Variants in LAMB4 observed in about 807,000 individuals in gnomAD.
The protein encoded by LAMB4 is laminin subunit beta 4, also known as laminin subunit beta-4.
In LAMB4, 196 loss-of-function variants were observed where a neutral mutation model predicts 199.2. The ratio of observed to expected loss-of-function variants is 0.98; its 90% CI spans 0.88 to 1.11. The LOEUF (loss-of-function observed/expected upper bound fraction) is 1.11, where lower values mean the gene tolerates loss of function less well. LAMB4 is among the 50% of genes least tolerant of loss of function. The probability of loss-of-function intolerance (pLI) is 0.00; values close to 1 mark genes in which losing one functional copy is unlikely to be tolerated. For synonymous variants in LAMB4, 744 were observed against 770.6 expected, an observed-to-expected ratio of 0.97 and a Z score of 0.57; for missense variants, 2,080 against 2,171.2, an observed-to-expected ratio of 0.96 and a Z score of 0.83.
chr7:108,027,255 T>C (rs370244191), intron 33 of LAMB4, among the ~76,000 whole-genome samples: 105 of 151,878 alleles, frequency 6.9e-4, no homozygotes, highest in Middle Eastern at 3.4e-3. Context: ...AAAAAAAAAA[T>C]CTGTTTCTCT....
chr7:108,039,747 G>C (rs1296963077), intron 29 of LAMB4, among the ~76,000 whole-genome samples: 1 of 152,180 alleles, frequency 6.6e-6, no homozygotes, highest in Admixed American at 6.5e-5. Flanking sequence ...GGGATTACAG[G>C]CGTGAGCCTC....
chr7:108,086,109 C>G (rs1451686121), intron 14 of LAMB4, among the ~76,000 whole-genome samples: 2 of 152,166 alleles, frequency 1.3e-5, no homozygotes, highest in Non-Finnish European at 2.9e-5. Flanking sequence ...TGAGAGCCAC[C>G]TCACCTGGAA....
intron 1 of LAMB4, among the ~76,000 whole-genome samples, chr7:108,128,745 A>C (rs752601053): frequency 6.6e-6 from 1 of 152,216 alleles, no homozygotes; most frequent in Admixed American, 6.5e-5. Context: ...TCGTCAAACT[A>C]TAAGTTTAAT....
rs895905574 is a variant in LAMB4 at position 108,093,445 on chromosome 7, C to A, written c.1471-1029G>T. ...ATTTTACCCATACAATACTGAAATA[C>A]TTGGAGGCAGAGAAATCCTTCAAGC... On this transcript the variant is annotated intron_variant, in intron 12 of 33. Coordinates refer to ENST00000388781, the MANE Select transcript of LAMB4 (RefSeq NM_007356.3). Among the ~76,000 whole-genome samples, 6 of 152,328 alleles carry A rather than the reference C, an allele frequency of 3.9e-5. No individual in the cohort carries two copies. In the East Asian group the frequency reaches 9.6e-4, roughly 24 times the overall value.
rs368912044 is a variant in LAMB4 at position 108,030,912 on chromosome 7, T to A, written c.4886A>T (p.Asp1629Val). Residue 1629 changes from aspartate to valine, a missense_variant, in exon 32 of 34, where the codon GAT (aspartate) becomes GTT (valine). By Grantham distance (152) the Asp-to-Val change is radical (BLOSUM62 -3). Coordinates refer to ENST00000388781, the MANE Select transcript of LAMB4 (RefSeq NM_007356.3). ...ELAKQRSGLE[D>V]GLSLLQTKLQ... ...CTTGGTCTGCAGCAGGGAAAGTCCA[T>A]CCTCCAGCCCTGATCGCTGCTTTGC... 9.9e-6 allele frequency: 16 copies of A among 1,613,968 alleles called. No homozygotes were observed. Among genetic ancestry groups the A allele is most frequent in the Non-Finnish European group, 1.2e-5 (14 of 1,180,008 alleles).
At chr7:108,098,814 A>G (rs1468501187) in intron 10 of LAMB4, among the ~76,000 whole-genome samples, 5 of 152,238 alleles carry the variant, frequency 3.3e-5, no homozygotes, top group African/African-American at 1.2e-4. Context: ...AAATGATTCG[A>G]AAGTCAGAGG....
chr7:108,032,695 C>CGTGT (rs3050225), intron 31 of LAMB4, among the ~76,000 whole-genome samples: 8,034 of 144,574 alleles, frequency 0.056, 252 homozygotes, highest in East Asian at 0.11. Flanking sequence ...TGTGTGTTTG[C>CGTGT]GTGTGTGTGT....
chr7:108,059,482 G>A (rs542312505), intron 23 of LAMB4, among the ~76,000 whole-genome samples: 76 of 152,128 alleles, frequency 5.0e-4, no homozygotes, highest in African/African-American at 1.7e-3. Context: ...CCTTCATCAC[G>A]GAATAGCATA....
intron 12 of LAMB4, 29 bp from the exon 13 acceptor site, chr7:108,092,445 C>T (rs1476726151): frequency 3.2e-6 from 5 of 1,555,316 alleles, no homozygotes; most frequent in African/African-American, 1.4e-5. Context: ...CAGCTGATTC[C>T]AGCTATGAAG....
chr7:108,111,882 CTGTTGGG>C lies in LAMB4; in HGVS notation c.250_256del (p.Pro84AlafsTer9), dbSNP rs1383336935. On this transcript the variant is annotated frameshift_variant, in exon 4 of 34. Coordinates refer to ENST00000388781, the MANE Select transcript of LAMB4 (RefSeq NM_007356.3). LOFTEE classifies it high-confidence loss of function. ...TACAATGACATTCTCAATGGTGTGG[CTGTTGGG>C]TTGGTCATACGGATCATATGGAAAT... is the stretch of plus-strand genomic sequence containing the variant. 14 of 1,612,062 alleles carry C rather than the reference CTGTTGGG, an allele frequency of 8.7e-6. No homozygotes were observed. In the Admixed American group the frequency reaches 1.7e-4, roughly 19 times the overall value.
At chr7:108,120,584 C>T (rs7810261) in intron 2 of LAMB4, among the ~76,000 whole-genome samples, 13,114 of 152,198 alleles carry the variant, frequency 0.086, 1,830 homozygotes, top group African/African-American at 0.29. Flanking sequence ...ATGGTTAATG[C>T]GGACTTTTAT....
chr7:108,049,522 T>C lies in LAMB4; in HGVS notation c.3926A>G (p.Glu1309Gly). The change falls in exon 27 of 34, where the codon GAA (glutamate) becomes GGA (glycine). Residue 1309 changes from glutamate (E) to glycine (G), a missense_variant. By Grantham distance (98) the Glu-to-Gly change is moderately conservative. Coordinates refer to ENST00000388781, the MANE Select transcript of LAMB4 (RefSeq NM_007356.3). ...VLNASIADSS[E>G]NIKKYYHISS... ...TATGTGATAATATTTCTTGATGTTT[T>C]CTGAGGAGTCTACGTCAATGCAAAT... is the stretch of plus-strand genomic sequence containing the variant. 1.9e-6 allele frequency: 3 copies of C among 1,596,754 alleles called. No individual in the cohort carries two copies. The South Asian group carries it at 3.3e-5, about 18-fold the overall frequency.
At chr7:108,109,548 G>C (rs2038144780) in intron 4 of LAMB4, among the ~76,000 whole-genome samples, 1 of 152,228 alleles carries the variant, frequency 6.6e-6, no homozygotes, top group Non-Finnish European at 1.5e-5. Context: ...GGTGGAAAGA[G>C]AGAAAGAGAG....
At chr7:108,011,950 C>A in the LAMB4 span, among the ~76,000 whole-genome samples, 2 of 151,374 alleles carry the variant, frequency 1.3e-5, no homozygotes, top group Non-Finnish European at 2.9e-5. Context: ...TTCTAATTTT[C>A]TATTTCTATA....
intron 14 of LAMB4, among the ~76,000 whole-genome samples, chr7:108,081,155 A>T (rs2036922384): frequency 6.6e-6 from 1 of 152,212 alleles, no homozygotes; most frequent in African/African-American, 2.4e-5. Context: ...ATTGCAGTAG[A>T]CACTGTAGGT....
intron 10 of LAMB4, among the ~76,000 whole-genome samples, chr7:108,099,919 A>G (rs953178356): frequency 2.0e-5 from 3 of 152,200 alleles, no homozygotes; most frequent in Middle Eastern, 3.2e-3. Context: ...TACTATGAAA[A>G]AATAGCATTG....
intron 25 of LAMB4, 70 bp downstream of exon 25, chr7:108,055,561 GA>G: frequency 7.0e-7 from 1 of 1,429,974 alleles, no homozygotes. Flanking sequence ...GAAGGCTGAC[GA>G]TGTTAAAGCT....
intron 25 of LAMB4, among the ~76,000 whole-genome samples, chr7:108,052,753 G>C (rs1056687441): frequency 6.6e-6 from 1 of 152,168 alleles, no homozygotes; most frequent in Non-Finnish European, 1.5e-5. Context: ...TTTTCCATTA[G>C]TGACAGGGAG....
intron 25 of LAMB4, among the ~76,000 whole-genome samples, chr7:108,054,400 G>A (rs1327290986): frequency 6.6e-6 from 1 of 152,080 alleles, no homozygotes; most frequent in Non-Finnish European, 1.5e-5. Context: ...CACCTTTTAA[G>A]CAATTATCAT....
Sources: allele counts gnomAD v4.1 joint callset (sites outside exome capture counted in the v4.1 genomes callset), GRCh38; gene constraint gnomAD v4.1.1; transcripts MANE v1.5; gene names NCBI Gene and HGNC (gene_info 2026-07-23, HGNC 2026-07-21).